The following MED16 variants were observed in gnomAD, a reference collection of about 807,000 sequenced individuals.
The protein encoded by MED16 is mediator of RNA polymerase II transcription subunit 16.
In MED16, 81 loss-of-function variants were observed where a neutral mutation model predicts 84.4. The ratio of observed to expected loss-of-function variants is 0.96; its 90% CI spans 0.80 to 1.15. MED16 has a LOEUF of 1.15. Among genes scored for constraint, MED16 ranks in the 50% most tolerant of loss-of-function variants. MED16 has a pLI of 0.00. For synonymous variants in MED16, 897 were observed against 552.2 expected (o/e 1.62, Z -8.76); for missense variants, 1,585 against 1,245.9 (o/e 1.27, Z -4.10).
intron 11 of MED16, among the ~76,000 whole-genome samples, chr19:872,519 C>A (rs993887086): frequency 6.6e-6 from 1 of 151,976 alleles, no homozygotes; most frequent in Non-Finnish European, 1.5e-5. Context: ...CAGCCTAAAG[C>A]CCCACAAAAA....
At chr19:888,609 G>A (rs1223231159) in intron 4 of MED16, among the ~76,000 whole-genome samples, 1 of 151,984 alleles carries the variant, frequency 6.6e-6, no homozygotes, top group Non-Finnish European at 1.5e-5. Context: ...GAAACCTCTG[G>A]ACCGTGTGGG....
intron 11 of MED16, among the ~76,000 whole-genome samples, 183 bp downstream of exon 11, chr19:873,266 G>T (rs1568321499): frequency 7.1e-6 from 1 of 140,300 alleles, no homozygotes; most frequent in African/African-American, 2.6e-5. Flanking sequence ...AACCAGGGGC[G>T]GGGCTGAGGT....
intron 4 of MED16, 69 bp from the exon 5 acceptor site, chr19:886,270 A>C (rs1339212964): frequency 3.0e-6 from 4 of 1,321,938 alleles, no homozygotes; most frequent in Admixed American, 2.9e-5. Flanking sequence ...ACCCCCAGAA[A>C]CACGCGCACA....
chr19:874,167 G>A (rs1214328062), intron 10 of MED16, among the ~76,000 whole-genome samples: 1 of 152,042 alleles, frequency 6.6e-6, no homozygotes, highest in African/African-American at 2.4e-5. Context: ...AGGCTGGAGT[G>A]CAGTGGGGTG....
Position 871,172 on chromosome 19 carries a change from G to A in MED16, c.2180C>T (p.Pro727Leu). 2 of 1,548,834 alleles carry A rather than the reference G, an allele frequency of 1.3e-6. No individual in the cohort carries two copies. Among genetic ancestry groups the A allele is most frequent in the Non-Finnish European group, 1.7e-6 (2 of 1,145,882 alleles). The change falls in exon 13 of 16, where the codon CCC becomes CTC. Residue 727 changes from proline to leucine, a missense_variant. Physicochemically the swap from Pro to Leu is moderately conservative, Grantham distance 98. Coordinates refer to ENST00000325464, the MANE Select transcript of MED16 (RefSeq NM_005481.3). ...CCLLPSQLLIPSLDWLPASDG... is the reference protein window; with the variant it reads ...CCLLPSQLLILSLDWLPASDG... The stretch of plus-strand genomic sequence containing the variant: ...GCTGGCTGGCAGCCAGTCCAGGCTG[G>A]GGATAAGCAGCTGGCTGGGCAGCAG...
chr19:884,716 ACT>A (rs933028734), intron 6 of MED16, among the ~76,000 whole-genome samples, 185 bp downstream of exon 6: 149 of 152,094 alleles, frequency 9.8e-4, no homozygotes, highest in African/African-American at 3.5e-3. Flanking sequence ...CGCCTAACAC[ACT>A]CAGAATGCTG....
chr19:891,203 G>A (rs1047326112), intron 1 of MED16, 54 bp from the exon 2 acceptor site: 29 of 1,521,180 alleles, frequency 1.9e-5, no homozygotes, highest in Non-Finnish European at 2.4e-5. Context: ...CCCAGGGCAT[G>A]TGGAGTGCCA....
intron 4 of MED16, among the ~76,000 whole-genome samples, chr19:887,096 AG>A (rs150013868): frequency 0.021 from 3,241 of 151,940 alleles, 121 homozygotes; most frequent in African/African-American, 0.073. Flanking sequence ...AAAAAAAAAA[AG>A]AACAAGAAAA....
intron 9 of MED16, among the ~76,000 whole-genome samples, chr19:876,268 T>G (rs568508861): frequency 6.6e-6 from 1 of 152,234 alleles, no homozygotes; most frequent in South Asian, 2.1e-4. Context: ...GAGGACACTC[T>G]GGGATTGCAG....
chr19:877,295 C>CT, intron 8 of MED16, 115 bp from the exon 9 acceptor site: 3 of 941,262 alleles, frequency 3.2e-6, no homozygotes, highest in African/African-American at 1.6e-5. Flanking sequence ...CGCGCACGCC[C>CT]GTGTGTGGGC....
At chr19:884,364 C>T (rs1437999676) in intron 6 of MED16, among the ~76,000 whole-genome samples, 7 of 151,614 alleles carry the variant, frequency 4.6e-5, no homozygotes, top group Non-Finnish European at 1.0e-4. Flanking sequence ...TGCGGGGGGC[C>T]CATCGGGCGG....
Position 871,165 on chromosome 19 carries a change from C to T in MED16, c.2187G>A (p.Leu729=), listed in dbSNP as rs1343393656. 1.1e-5 allele frequency: 17 copies of T among 1,549,010 alleles called. No individual in the cohort carries two copies. The highest frequency in any genetic ancestry group is 2.7e-5 in the African/African-American group (2 of 73,218). The stretch of plus-strand genomic sequence containing the variant: ...GGCCGTCGCTGGCTGGCAGCCAGTC[C>T]AGGCTGGGGATAAGCAGCTGGCTGG... ...LLPSQLLIPS[L]DWLPASDGLV... is the part of the protein sequence containing the mutation. Residue 729 remains leucine, a synonymous_variant, in exon 13 of 16, where the codon CTG becomes CTA. Transcript: ENST00000325464.
chr19:873,374 G>C, intron 11 of MED16, 75 bp downstream of exon 11: 5 of 1,495,160 alleles, frequency 3.3e-6, no homozygotes, highest in Non-Finnish European at 3.6e-6. Flanking sequence ...TTGAGGGGCA[G>C]GGGCAGGGAA....
chr19:869,075 T>C, intron 13 of MED16, 129 bp from the exon 14 acceptor site: 1 of 810,444 alleles, frequency 1.2e-6, no homozygotes, highest in Non-Finnish European at 1.9e-6. Context: ...TGGGCCCAGA[T>C]GTCTGTGAAC....
Position 877,079 on chromosome 19 carries a change from G to T in MED16, c.1455C>A (p.Gly485=). 1 of 1,612,710 alleles carries T rather than the reference G, an allele frequency of 6.2e-7. No homozygotes were observed. Among genetic ancestry groups the T allele is most frequent in the Non-Finnish European group, 8.5e-7 (1 of 1,179,902 alleles). ...GCAGCAGGATGTCCCACCAGTCGTA[G>T]CCGGTCACCATGCAGTACTCCAGCA... ...LFLLEYCMVT[G]YDWWDILLHV... is the part of the protein sequence containing the mutation. The change falls in exon 9 of 16, where the codon GGC becomes GGA. Residue 485 remains glycine (G), a synonymous_variant. Coordinates refer to ENST00000325464, the MANE Select transcript of MED16 (RefSeq NM_005481.3).
chr19:876,163 A>G (rs1328278409), intron 9 of MED16, among the ~76,000 whole-genome samples: 2 of 151,582 alleles, frequency 1.3e-5, no homozygotes, highest in African/African-American at 4.8e-5. Flanking sequence ...TTATCTTCGT[A>G]TTGGTTTCTG....
chr19:881,367 C>T (rs997160432), intron 7 of MED16, among the ~76,000 whole-genome samples, 192 bp downstream of exon 7: 8 of 152,192 alleles, frequency 5.3e-5, no homozygotes, highest in Non-Finnish European at 7.3e-5. Flanking sequence ...TCACAGATCC[C>T]GAAAGATGAG....
At chr19:883,431 G>A (rs1162449902) in intron 6 of MED16, among the ~76,000 whole-genome samples, 2 of 149,110 alleles carry the variant, frequency 1.3e-5, no homozygotes, top group African/African-American at 5.0e-5. Context: ...GGCACGTGGG[G>A]CGGTGCGTGA....
chr19:889,869 A>T, intron 3 of MED16, 62 bp from the exon 4 acceptor site: 1 of 1,524,724 alleles, frequency 6.6e-7, no homozygotes. Flanking sequence ...GCGTTGCAGG[A>T]CGGCACAGCG....
Sources: allele counts gnomAD v4.1 joint callset (sites outside exome capture counted in the v4.1 genomes callset), GRCh38; gene constraint gnomAD v4.1.1; transcripts MANE v1.5; gene names NCBI Gene and HGNC (gene_info 2026-07-23, HGNC 2026-07-21).